ACBD6: variants seen among roughly 807,000 people sequenced by gnomAD.
The protein encoded by ACBD6 is acyl-CoA-binding domain-containing protein 6.
Under a neutral mutation model 37.2 loss-of-function variants are expected in ACBD6, and 28 were observed. The observed-to-expected ratio is 0.75, with a 90% CI of 0.56 to 1.03. ACBD6 has a LOEUF of 1.03. Among genes scored for constraint, ACBD6 ranks in the 50% least tolerant of loss-of-function variants. ACBD6 has a pLI of 0.00. For missense variants in ACBD6, 340 were observed against 337.4 expected (o/e 1.01, Z -0.06); for synonymous variants, 113 against 126.8 (o/e 0.89, Z 0.73).
chr1:180,430,388 A>G, intron 3 of ACBD6, 126 bp from the exon 4 acceptor site: 1 of 799,658 alleles, frequency 1.3e-6, no homozygotes, highest in Non-Finnish European at 2.1e-6. Context: ...ATCTCTTCAA[A>G]CCCTAGTAAA....
At chr1:180,483,060 T>C (rs1224305818) in intron 3 of ACBD6, among the ~76,000 whole-genome samples, 1 of 152,186 alleles carries the variant, frequency 6.6e-6, no homozygotes, top group East Asian at 1.9e-4. Context: ...CAATCCTTAT[T>C]ACAGCAGGCT....
At chr1:180,499,475 T>G (rs902525789) in intron 1 of ACBD6, among the ~76,000 whole-genome samples, 1 of 152,194 alleles carries the variant, frequency 6.6e-6, no homozygotes, top group Non-Finnish European at 1.5e-5. Flanking sequence ...CTGGATGAAG[T>G]GAGTATACCT....
At chr1:180,401,449 A>G (rs572456354) in intron 5 of ACBD6, among the ~76,000 whole-genome samples, 3 of 151,900 alleles carry the variant, frequency 2.0e-5, no homozygotes, top group Non-Finnish European at 2.9e-5. Context: ...ATTTTTTTTT[A>G]ATTAGACTTT....
chr1:180,290,676 G>A (rs933265071), intron 7 of ACBD6, among the ~76,000 whole-genome samples: 1 of 152,208 alleles, frequency 6.6e-6, no homozygotes, highest in African/African-American at 2.4e-5. Flanking sequence ...ACTACAAATT[G>A]GTAGTAAGAT....
intron 1 of ACBD6, among the ~76,000 whole-genome samples, chr1:180,497,280 T>C (rs1490933701): frequency 6.6e-6 from 1 of 152,196 alleles, no homozygotes; most frequent in Non-Finnish European, 1.5e-5. Flanking sequence ...CGGCTAAACA[T>C]TATACATGGC....
At chr1:180,370,804 A>G (rs2101914755) in intron 6 of ACBD6, among the ~76,000 whole-genome samples, 1 of 152,108 alleles carries the variant, frequency 6.6e-6, no homozygotes, top group Middle Eastern at 3.4e-3. Context: ...CTTCCAAATG[A>G]CCCATTAAAA....
At chr1:180,308,129 T>A (rs989898393) in intron 7 of ACBD6, among the ~76,000 whole-genome samples, 3 of 152,222 alleles carry the variant, frequency 2.0e-5, no homozygotes, top group Non-Finnish European at 2.9e-5. Flanking sequence ...TTATCCGCTG[T>A]AAAATTTCTG....
intron 6 of ACBD6, among the ~76,000 whole-genome samples, chr1:180,337,786 G>A (rs1651802375): frequency 1.3e-5 from 2 of 152,224 alleles, no homozygotes. Flanking sequence ...TCCTTAAGCT[G>A]ATAAGCAACT....
intron 6 of ACBD6, among the ~76,000 whole-genome samples, chr1:180,333,742 G>C (rs1008973523): frequency 2.2e-4 from 33 of 152,318 alleles, no homozygotes; most frequent in African/African-American, 7.9e-4. Context: ...AAGCGCAAGG[G>C]GTCAGGGAAT....
intron 1 of ACBD6, 128 bp downstream of exon 1, chr1:180,501,917 A>C (rs949676131): frequency 7.1e-5 from 56 of 789,566 alleles, no homozygotes; most frequent in Middle Eastern, 2.5e-4. Flanking sequence ...AAAAAAAAAA[A>C]ACAAAACAAA....
intron 6 of ACBD6, among the ~76,000 whole-genome samples, chr1:180,377,790 A>G (rs1285530576): frequency 6.6e-6 from 1 of 151,994 alleles, no homozygotes; most frequent in African/African-American, 2.4e-5. Context: ...TCTACTAAAA[A>G]TGCAAAATTA....
intron 6 of ACBD6, among the ~76,000 whole-genome samples, chr1:180,318,175 C>CCCCCAA (rs10632390): frequency 5.8e-5 from 6 of 102,806 alleles, no homozygotes; most frequent in Non-Finnish European, 8.5e-5. Context: ...CCCCCCCCCC[C>CCCCCAA]AAAAAAAAAA....
intron 6 of ACBD6, among the ~76,000 whole-genome samples, chr1:180,382,111 T>A (rs1188174058): frequency 3.9e-5 from 4 of 101,462 alleles, no homozygotes; most frequent in Non-Finnish European, 7.4e-5. Flanking sequence ...CAAGACTGCA[T>A]CTCAAAAAAA....
chr1:180,446,628 G>C (rs1649487079), intron 3 of ACBD6, among the ~76,000 whole-genome samples: 1 of 151,996 alleles, frequency 6.6e-6, no homozygotes, highest in Non-Finnish European at 1.5e-5. Context: ...ACTTATAACA[G>C]TAATATTTAT....
chr1:180,354,316 CAAT>C (rs1246596697), intron 6 of ACBD6, among the ~76,000 whole-genome samples: 7 of 152,200 alleles, frequency 4.6e-5, no homozygotes, highest in Admixed American at 1.3e-4. Flanking sequence ...CCTGAAGCTA[CAAT>C]GTCAGTTTTG....
intron 7 of ACBD6, among the ~76,000 whole-genome samples, chr1:180,303,983 T>C (rs1244484502): frequency 1.3e-5 from 2 of 150,884 alleles, no homozygotes; most frequent in East Asian, 3.9e-4. Flanking sequence ...ATCCAGCATA[T>C]AAACAGAACC....
chr1:180,425,623 G>A (rs1353104904), intron 4 of ACBD6, among the ~76,000 whole-genome samples: 1 of 152,156 alleles, frequency 6.6e-6, no homozygotes, highest in African/African-American at 2.4e-5. Context: ...ACATACTCTT[G>A]AAGCTTAAGA....
intron 3 of ACBD6, among the ~76,000 whole-genome samples, chr1:180,481,424 T>A (rs1325981856): frequency 6.6e-6 from 1 of 152,152 alleles, no homozygotes; most frequent in Non-Finnish European, 1.5e-5. Flanking sequence ...GGCAAAAAAA[T>A]ACTTAATCAT....
At chr1:180,493,247 C>CAAAAAAAA (rs71121023) in intron 2 of ACBD6, among the ~76,000 whole-genome samples, 135 of 47,740 alleles carry the variant, frequency 2.8e-3, no homozygotes, top group East Asian at 6.2e-3. Context: ...AATTCTGTCT[C>CAAAAAAAA]AAAAAAAAAA....
Sources: gnomAD v4.1 joint callset for allele counts (sites outside exome capture counted in the v4.1 genomes callset) on GRCh38, gnomAD v4.1.1 for gene constraint, MANE v1.5 for transcripts, NCBI Gene and HGNC (gene_info 2026-07-23, HGNC 2026-07-21) for gene names.